The following EPB41 variants were observed in gnomAD, a reference collection of about 807,000 sequenced individuals.
EPB41 encodes erythrocyte membrane protein band 4.1, also known as protein 4.1.
A neutral mutation model predicts 108.0 loss-of-function variants in EPB41; 65 were observed. The observed-to-expected ratio is 0.60, with a 90% confidence interval of 0.49 to 0.74. EPB41 has a LOEUF of 0.74. Ranked by LOEUF, EPB41 falls within the 30% of genes least tolerant of loss-of-function variation. EPB41 has a pLI of 0.00. For missense variants in EPB41, 875 were observed against 1,037.0 expected (o/e 0.84, Z 2.15); for synonymous variants, 336 against 358.9 (o/e 0.94, Z 0.72).
At chr1:29,013,381 A>G (rs1412622263) in intron 5 of EPB41, among the ~76,000 whole-genome samples, 1 of 152,174 alleles carries the variant, frequency 6.6e-6, no homozygotes, top group Non-Finnish European at 1.5e-5. Context: ...GGGGAAAAAA[A>G]CAAAACAAAA....
At chr1:29,069,099 A>G in intron 16 of EPB41, 3 of 1,149,840 alleles carry the variant, frequency 2.6e-6, no homozygotes, top group Non-Finnish European at 3.3e-6. Context: ...CTCCCACTTT[A>G]TTTTCTTTCA....
At chr1:28,999,454 G>A (rs1447831695) in intron 4 of EPB41, among the ~76,000 whole-genome samples, 1 of 152,058 alleles carries the variant, frequency 6.6e-6, no homozygotes, top group Non-Finnish European at 1.5e-5. Context: ...AGATAATTTT[G>A]ATTCCCAGAA....
rs116552061 is a variant in EPB41, at chr1:28,900,667, G to A, written c.-8+13457G>A. ...AATAGTGGGCAAAATGTTACCTCCCGGGCTGTCCTGAGGCTAAAGAGGGTT... is the reference window on the plus strand; with the variant it reads ...AATAGTGGGCAAAATGTTACCTCCCAGGCTGTCCTGAGGCTAAAGAGGGTT... On this transcript the variant is annotated intron_variant, in intron 1 of 16. Coordinates refer to the EPB41 transcript ENST00000347529. Among the ~76,000 whole-genome samples, 511 of 152,104 alleles carry A rather than the reference G, an allele frequency of 3.4e-3. 2 individuals are homozygous for A. Among genetic ancestry groups the A allele is most frequent in the African/African-American group, 0.012 (491 of 41,524 alleles).
At chr1:28,904,974 T>C (rs2091657540) in intron 1 of EPB41, among the ~76,000 whole-genome samples, 1 of 143,404 alleles carries the variant, frequency 7.0e-6, no homozygotes, top group Non-Finnish European at 1.5e-5. Context: ...GAGCTTGTAG[T>C]GAGCCGAGAT....
At chr1:29,063,126 A>G (rs1042645867) in intron 15 of EPB41, among the ~76,000 whole-genome samples, 18 of 152,288 alleles carry the variant, frequency 1.2e-4, no homozygotes, top group East Asian at 3.9e-4. Context: ...TTTAATTTCC[A>G]GTGAGGAGCT....
At chr1:29,022,998 T>C (rs2096665719) in intron 7 of EPB41, among the ~76,000 whole-genome samples, 3 of 152,010 alleles carry the variant, frequency 2.0e-5, no homozygotes, top group Non-Finnish European at 4.4e-5. Flanking sequence ...ATTACCATTA[T>C]TTTATTTTAT....
Position 29,085,223 on chromosome 1 carries a change from A to C in EPB41, c.2185-12584A>C, listed in dbSNP as rs187894332. Among the ~76,000 whole-genome samples, 373 of 149,792 alleles carry C rather than the reference A, an allele frequency of 2.5e-3. 1 individual carries two copies. Among genetic ancestry groups the C allele is most frequent in the African/African-American group, 8.8e-3 (357 of 40,604 alleles). Reference sequence around the variant, plus strand: ...AGTGGCATGACCTTGGCTCACTGCAACCTCTGCCTCCTGGGTTCAAGTGAT... The same window carrying C: ...AGTGGCATGACCTTGGCTCACTGCACCCTCTGCCTCCTGGGTTCAAGTGAT... On this transcript the variant is annotated intron_variant, in intron 16 of 20. Transcript: ENST00000343067.
chr1:28,954,731 A>T (rs943158616), intron 1 of EPB41, among the ~76,000 whole-genome samples: 12 of 152,202 alleles, frequency 7.9e-5, no homozygotes, highest in African/African-American at 2.9e-4. Flanking sequence ...TGTTTAAGGC[A>T]TGTTTGGTTT....
chr1:29,002,783 C>T (rs1005104732), intron 4 of EPB41, among the ~76,000 whole-genome samples: 3 of 152,076 alleles, frequency 2.0e-5, no homozygotes, highest in Admixed American at 6.5e-5. Flanking sequence ...ATGAGGGCTC[C>T]CAATAAGCAA....
At chr1:28,928,701 G>A (rs2093584755) in intron 1 of EPB41, among the ~76,000 whole-genome samples, 1 of 152,176 alleles carries the variant, frequency 6.6e-6, no homozygotes, top group African/African-American at 2.4e-5. Flanking sequence ...TACTTAATCA[G>A]GTCCAAAGTT....
At position 29,018,126 on chromosome 1, in the gene EPB41, C is replaced by T. The variant is rs2096600387; in HGVS notation, c.906-98C>T. ...CTTTTCTTCTGTGTCCTTATTTTTT[C>T]TCTCTCTCCCTTTCTGTTTCTCCCC... On this transcript the variant is annotated intron_variant, in intron 6 of 20. Coordinates refer to ENST00000343067, the MANE Select transcript of EPB41 (RefSeq NM_001376013.1). This position sits in a 1 kb window ranked among gnomAD's most constrained non-coding sequence, Gnocchi z 4.4. 14 of 1,022,648 alleles carry T rather than the reference C, an allele frequency of 1.4e-5. No homozygotes were observed. Among genetic ancestry groups the T allele is most frequent in the South Asian group, 4.3e-5 (3 of 70,514 alleles). 63.3% of individuals were successfully genotyped at this position (1,022,648 alleles called of 1,614,324 possible).
chr1:28,989,868 A>G (rs910871222), intron 2 of EPB41, among the ~76,000 whole-genome samples: 3 of 152,182 alleles, frequency 2.0e-5, no homozygotes, highest in African/African-American at 7.2e-5. Flanking sequence ...ATAAATACTC[A>G]ATGAATGTTA....
chr1:29,036,673 C>T (rs1251260979), intron 10 of EPB41, among the ~76,000 whole-genome samples: 1 of 144,560 alleles, frequency 6.9e-6, no homozygotes, highest in Non-Finnish European at 1.5e-5. Flanking sequence ...AGATGTGAAG[C>T]TGATTTTTTT....
intron 2 of EPB41, among the ~76,000 whole-genome samples, chr1:28,989,975 G>A (rs2095968716): frequency 6.6e-6 from 1 of 151,610 alleles, no homozygotes; most frequent in Non-Finnish European, 1.5e-5. Flanking sequence ...TTACATTATC[G>A]GCCGGGCGCA....
At chr1:28,930,928 A>G (rs2093709807) in intron 1 of EPB41, among the ~76,000 whole-genome samples, 1 of 152,234 alleles carries the variant, frequency 6.6e-6, no homozygotes, top group South Asian at 2.1e-4. Flanking sequence ...AGATTTTTAA[A>G]CATATCTTAA....
Position 28,992,550 on chromosome 1 carries a change from G to A in EPB41, c.469-780G>A, listed in dbSNP as rs191403189. On this transcript the variant is annotated intron_variant, in intron 2 of 20. Transcript: ENST00000343067. ...AAAAGTACAAAAAAATTAGCTGGGC[G>A]TGGTGGCGGGCGCCTGTAGTCCCAG... 3.1e-3 allele frequency among the ~76,000 whole-genome samples: 473 copies of A among 152,252 alleles called. 1 individual carries two copies. Among genetic ancestry groups the A allele is most frequent in the Non-Finnish European group, 5.1e-3 (349 of 68,022 alleles).
intron 1 of EPB41, among the ~76,000 whole-genome samples, chr1:28,897,637 GAGGA>G (rs1557613906): frequency 1.9e-5 from 2 of 104,678 alleles, no homozygotes; most frequent in African/African-American, 4.1e-5. Context: ...GAGGAGGGGA[GAGGA>G]GGGGAGAGGA....
At chr1:28,920,630 TTTTATTTA>T (rs997040663) in intron 1 of EPB41, among the ~76,000 whole-genome samples, 1 of 152,066 alleles carries the variant, frequency 6.6e-6, no homozygotes, top group African/African-American at 2.4e-5. Context: ...ATTATTTTAT[TTTTATTTA>T]TTTATTTATT....
At chr1:28,981,858 A>C (rs1412693853) in intron 1 of EPB41, among the ~76,000 whole-genome samples, 1 of 149,546 alleles carries the variant, frequency 6.7e-6, no homozygotes, top group African/African-American at 2.4e-5. Flanking sequence ...TTTCTTTTTA[A>C]TTTTTATTTT....
Sources: allele counts gnomAD v4.1 joint callset (sites outside exome capture counted in the v4.1 genomes callset), GRCh38; gene constraint gnomAD v4.1.1; non-coding constraint Gnocchi (gnomAD v3.1); transcripts MANE v1.5; gene names NCBI Gene and HGNC (gene_info 2026-07-23, HGNC 2026-07-21).